The following PPARGC1A variants were observed in gnomAD, a reference collection of about 807,000 sequenced individuals.
The protein encoded by PPARGC1A is peroxisome proliferator-activated receptor gamma coactivator 1-alpha.
PPARGC1A carries 25 observed loss-of-function variants against 88.7 expected under a neutral mutation model. The ratio of observed to expected loss-of-function variants is 0.28; its 90% CI spans 0.21 to 0.39. The LOEUF (loss-of-function observed/expected upper bound fraction) is 0.39. Among genes scored for constraint, PPARGC1A ranks in the 10% least tolerant of loss-of-function variants. The probability of loss-of-function intolerance (pLI) is 1.00; values close to 1 mark genes in which losing one functional copy is unlikely to be tolerated. For missense variants in PPARGC1A, 880 were observed against 968.7 expected (o/e 0.91, Z 1.22); for synonymous variants, 363 against 355.6 (o/e 1.02, Z -0.24).
At chr4:24,437,671 CTTTT>C in the PPARGC1A span, among the ~76,000 whole-genome samples, 2 of 149,010 alleles carry the variant, frequency 1.3e-5, no homozygotes, top group African/African-American at 4.9e-5. Context: ...TTTTTTCTTT[CTTTT>C]TTTTTCTTTT....
chr4:24,460,203 T>C, the PPARGC1A span, among the ~76,000 whole-genome samples: 1 of 152,224 alleles, frequency 6.6e-6, no homozygotes, highest in Admixed American at 6.5e-5. Flanking sequence ...TTAATATCAT[T>C]GTAAACAAGC....
At chr4:24,323,580 CTA>C in the PPARGC1A span, among the ~76,000 whole-genome samples, 2 of 152,164 alleles carry the variant, frequency 1.3e-5, no homozygotes, top group Non-Finnish European at 2.9e-5. Context: ...TTCCCAAATC[CTA>C]TAAAATGGCC....
chr4:24,201,346 C>T, the PPARGC1A span, among the ~76,000 whole-genome samples: 1 of 152,210 alleles, frequency 6.6e-6, no homozygotes, highest in African/African-American at 2.4e-5. Flanking sequence ...ATTGCCAACC[C>T]TCACCCCCAC....
At chr4:24,242,328 C>T in the PPARGC1A span, among the ~76,000 whole-genome samples, 2 of 152,304 alleles carry the variant, frequency 1.3e-5, no homozygotes, top group Middle Eastern at 6.8e-3. Flanking sequence ...TGACGCCCAC[C>T]CCCAGCACTG....
chr4:24,378,742 C>G, the PPARGC1A span, among the ~76,000 whole-genome samples: 1 of 152,264 alleles, frequency 6.6e-6, no homozygotes, highest in East Asian at 1.9e-4. Context: ...ATCTTCAAAG[C>G]ACTTCACAAA....
At chr4:23,882,780 T>C (rs1716194273) in intron 2 of PPARGC1A, 1 of 152,140 alleles carries the variant, frequency 6.6e-6, no homozygotes, top group Admixed American at 6.6e-5. Flanking sequence ...GATAATTAAC[T>C]AGATGCTGAA....
chr4:24,265,847 T>G, the PPARGC1A span, among the ~76,000 whole-genome samples: 3 of 145,472 alleles, frequency 2.1e-5, no homozygotes, highest in Non-Finnish European at 4.5e-5. Flanking sequence ...GGCAAAAGAA[T>G]AGAGAGAAAG....
chr4:24,416,907 T>C, the PPARGC1A span, among the ~76,000 whole-genome samples: 2 of 152,040 alleles, frequency 1.3e-5, no homozygotes, highest in South Asian at 4.2e-4. Flanking sequence ...GGCGTCTGCC[T>C]GTAATCCCAG....
intron 2 of PPARGC1A, among the ~76,000 whole-genome samples, chr4:23,857,100 C>T (rs1176276077): frequency 1.3e-5 from 2 of 151,976 alleles, no homozygotes; most frequent in Non-Finnish European, 2.9e-5. Flanking sequence ...CAAATGATTT[C>T]TCAGGAATAG....
chr4:24,433,573 T>C, the PPARGC1A span, among the ~76,000 whole-genome samples: 18 of 152,214 alleles, frequency 1.2e-4, no homozygotes, highest in African/African-American at 4.1e-4. Context: ...TTATGAATGA[T>C]GCCTCTTGCC....
At chr4:24,022,644 T>A in the PPARGC1A span, among the ~76,000 whole-genome samples, 1 of 152,098 alleles carries the variant, frequency 6.6e-6, no homozygotes, top group Non-Finnish European at 1.5e-5. Context: ...TTAACAGGAA[T>A]CAGAACCCCT....
the PPARGC1A span, among the ~76,000 whole-genome samples, chr4:24,439,903 G>A: frequency 6.6e-6 from 1 of 152,138 alleles, no homozygotes; most frequent in Admixed American, 6.5e-5. Flanking sequence ...GGTCCAAGAA[G>A]GAGACTTTTT....
the PPARGC1A span, among the ~76,000 whole-genome samples, chr4:24,387,919 AAAG>A: frequency 3.3e-4 from 4 of 11,998 alleles, no homozygotes; most frequent in Admixed American, 2.0e-3. Flanking sequence ...AGAAAGAAAG[AAAG>A]AAAGAAAGAA....
the PPARGC1A span, among the ~76,000 whole-genome samples, chr4:24,454,904 A>C: frequency 5.3e-5 from 2 of 37,708 alleles, no homozygotes; most frequent in Non-Finnish European, 1.1e-4. Context: ...GATTGTCACA[A>C]AAAAAAAAAC....
chr4:23,906,200 C>A (rs1720011098), upstream of PPARGC1A, among the ~76,000 whole-genome samples: 1 of 152,184 alleles, frequency 6.6e-6, no homozygotes, highest in Non-Finnish European at 1.5e-5. Context: ...GGAGAAGAAA[C>A]ACTTATTATA....
chr4:23,911,759 T>TA, the PPARGC1A span, among the ~76,000 whole-genome samples: 3 of 152,186 alleles, frequency 2.0e-5, no homozygotes, highest in Non-Finnish European at 2.9e-5. Flanking sequence ...TTGGTAGCTT[T>TA]AAAAAAATCA....
At chr4:24,143,177 T>G in the PPARGC1A span, among the ~76,000 whole-genome samples, 2 of 152,200 alleles carry the variant, frequency 1.3e-5, no homozygotes, top group African/African-American at 4.8e-5. Context: ...AGGAGTGATG[T>G]TTACTCTCTT....
the PPARGC1A span, among the ~76,000 whole-genome samples, chr4:24,284,213 G>C: frequency 6.6e-6 from 1 of 152,074 alleles, no homozygotes; most frequent in Non-Finnish European, 1.5e-5. Flanking sequence ...GGAGGCTGAG[G>C]CAGGAGAATT....
At position 23,813,617 on chromosome 4, in the gene PPARGC1A, T is replaced by G. The variant is rs1207955975; in HGVS notation, c.1793+73A>C. The G allele has an allele frequency of 5.2e-6, 7 of 1,353,786 alleles. No homozygotes were observed. In the African/African-American group the frequency reaches 6.0e-5, roughly 12 times the overall value. 83.9% of individuals were successfully genotyped at this position (1,353,786 alleles called of 1,614,324 possible). The stretch of plus-strand genomic sequence containing the variant: ...CAGAATGGCTGCAGATTTCAAATTT[T>G]TATTTGTATTTTATTTTATTTTTTA... On this transcript the variant is annotated intron_variant, in intron 8 of 12. Coordinates refer to ENST00000264867, the MANE Select transcript of PPARGC1A (RefSeq NM_013261.5).
Sources: allele counts gnomAD v4.1 joint callset (sites outside exome capture counted in the v4.1 genomes callset), GRCh38; gene constraint gnomAD v4.1.1; transcripts MANE v1.5; gene names NCBI Gene and HGNC (gene_info 2026-07-23, HGNC 2026-07-21).